IDO2: variants seen among roughly 807,000 people sequenced by gnomAD.
IDO2 encodes the protein indoleamine 2,3-dioxygenase-like 1 protein.
IDO2 carries 46 observed loss-of-function variants against 45.1 expected under a neutral mutation model. The ratio of observed to expected loss-of-function variants is 1.02; its 90% CI spans 0.80 to 1.30. IDO2 has a LOEUF of 1.30. IDO2 is among the 50% of genes most tolerant of loss of function. The pLI, the probability that IDO2 is intolerant of heterozygous loss-of-function variation, is 0.00. For synonymous variants in IDO2, 218 were observed against 184.9 expected, an observed-to-expected ratio of 1.18 and a Z score of -1.45; for missense variants, 544 against 491.8, an observed-to-expected ratio of 1.11 and a Z score of -1.00.
chr8:39,972,609 C>CAAAAAA (rs35394460), intron 3 of IDO2, among the ~76,000 whole-genome samples: 4 of 34,550 alleles, frequency 1.2e-4, no homozygotes, highest in Non-Finnish European at 1.9e-4. Context: ...GACTCCATCT[C>CAAAAAA]AAAAAAAAAA....
At chr8:39,938,546 T>C (rs1417648401) in intron 1 of IDO2, among the ~76,000 whole-genome samples, 1 of 148,082 alleles carries the variant, frequency 6.8e-6, no homozygotes, top group South Asian at 2.1e-4. Flanking sequence ...ACTTTTTATA[T>C]ATAACACCAA....
chr8:39,980,457 C>G (rs780295235), intron 4 of IDO2, among the ~76,000 whole-genome samples: 1 of 150,340 alleles, frequency 6.7e-6, no homozygotes, highest in African/African-American at 2.5e-5. Context: ...TCATCCAAAT[C>G]TCTTCTGAAT....
chr8:39,960,974 G>A (rs1050648880), intron 2 of IDO2, among the ~76,000 whole-genome samples: 1 of 152,014 alleles, frequency 6.6e-6, no homozygotes, highest in Non-Finnish European at 1.5e-5. Flanking sequence ...TAGTAGAGAC[G>A]GGGTTTCACC....
At chr8:39,995,233 C>CTTCTTCTTCTTCTT (rs1491361753) in intron 8 of IDO2, 1 of 54,920 alleles carries the variant, frequency 1.8e-5, no homozygotes, top group African/African-American at 5.6e-5. Context: ...TTCTCCTTCT[C>CTTCTTCTTCTTCTT]CTTCTCCTTC....
Position 40,007,108 on chromosome 8 carries a change from A to G in IDO2, c.719+1730A>G, listed in dbSNP as rs139139071. ...TTAATTTTTAAACAGTGAAAAATGA[A>G]AGGTGGAGGCAATGGCTGGATGAGG... On this transcript the variant is annotated intron_variant, in intron 9 of 10. Coordinates refer to ENST00000502986, the Ensembl canonical transcript of IDO2. Among the ~76,000 whole-genome samples the G allele has an allele frequency of 6.1e-4, 93 of 151,884 alleles. 1 individual carries two copies. Among genetic ancestry groups the G allele is most frequent in the Middle Eastern group, 3.4e-3 (1 of 292 alleles).
intron 1 of IDO2, among the ~76,000 whole-genome samples, chr8:39,947,192 A>T (rs1807747693): frequency 6.6e-6 from 1 of 151,622 alleles, no homozygotes; most frequent in South Asian, 2.1e-4. Flanking sequence ...AAAAAAAAAA[A>T]AAAGAAGTAG....
chr8:39,975,102 GAA>G (rs1808238823), intron 3 of IDO2, among the ~76,000 whole-genome samples: 1 of 150,776 alleles, frequency 6.6e-6, no homozygotes, highest in African/African-American at 2.4e-5. Flanking sequence ...GGGAAACAGA[GAA>G]AGACTCCGTC....
chr8:39,961,980 C>T (rs1334929508), intron 2 of IDO2, among the ~76,000 whole-genome samples: 1 of 152,180 alleles, frequency 6.6e-6, no homozygotes, highest in African/African-American at 2.4e-5. Flanking sequence ...CTGCTTTAAG[C>T]TTGCTTACCA....
chr8:39,975,550 C>A (rs1365047159), intron 3 of IDO2, among the ~76,000 whole-genome samples: 1 of 152,082 alleles, frequency 6.6e-6, no homozygotes, highest in Non-Finnish European at 1.5e-5. Context: ...CATTAATAGT[C>A]AAGAAAATGA....
chr8:39,954,183 T>C (rs1364993141), intron 2 of IDO2, among the ~76,000 whole-genome samples: 1 of 152,198 alleles, frequency 6.6e-6, no homozygotes, highest in African/African-American at 2.4e-5. Flanking sequence ...TCCTAGACAT[T>C]ATATTCTAGT....
intron 8 of IDO2, among the ~76,000 whole-genome samples, chr8:39,992,205 G>A (rs1585414257): frequency 6.6e-6 from 1 of 152,328 alleles, no homozygotes; most frequent in East Asian, 1.9e-4. Flanking sequence ...TGTAGTATAG[G>A]GGATAGCACA....
At chr8:39,960,731 C>A (rs879656856) in intron 2 of IDO2, among the ~76,000 whole-genome samples, 29 of 152,180 alleles carry the variant, frequency 1.9e-4, no homozygotes, top group African/African-American at 4.1e-4. Context: ...ATGCGGTTGA[C>A]CTTCTGATGA....
At position 39,979,119 on chromosome 8, in the gene IDO2, C is replaced by T; in HGVS notation, c.248C>T (p.Ala83Val). 2.5e-6 allele frequency: 4 copies of T among 1,602,192 alleles called. No individual in the cohort carries two copies. In the South Asian group the frequency reaches 3.4e-5, roughly 14 times the overall value. ...AAGGGTCACCGGGAGCAGCGCCTGG[C>T]CCACCTGGTCCTGAGCTTCCTCACC... Residue 83 changes from alanine (A) to valine (V), a missense_variant, in exon 4 of 11, where the codon GCC becomes GTC. Transcript: ENST00000502986.
intron 8 of IDO2, among the ~76,000 whole-genome samples, chr8:39,999,151 T>C (rs554208938): frequency 6.6e-6 from 1 of 152,260 alleles, no homozygotes; most frequent in African/African-American, 2.4e-5. Flanking sequence ...CTGGTTTCCA[T>C]GGTTGCTATT....
At chr8:39,991,386 T>G (rs1808493833) in intron 8 of IDO2, among the ~76,000 whole-genome samples, 1 of 152,158 alleles carries the variant, frequency 6.6e-6, no homozygotes, top group South Asian at 2.1e-4. Context: ...TCACTTAGGA[T>G]AGCAAGGCTA....
At chr8:40,000,201 C>G (rs910446435) in intron 8 of IDO2, among the ~76,000 whole-genome samples, 4 of 152,148 alleles carry the variant, frequency 2.6e-5, no homozygotes. Flanking sequence ...ATCATGAGGT[C>G]AAGAGATTGA....
intron 2 of IDO2, among the ~76,000 whole-genome samples, chr8:39,957,944 C>T (rs1807927665): frequency 6.6e-6 from 1 of 152,072 alleles, no homozygotes; most frequent in Admixed American, 6.5e-5. Flanking sequence ...CTAGCTCTGT[C>T]ACCCAGGCTG....
chr8:39,970,639 G>A (rs769527683), intron 3 of IDO2, among the ~76,000 whole-genome samples: 9 of 151,708 alleles, frequency 5.9e-5, no homozygotes, highest in Non-Finnish European at 1.0e-4. Flanking sequence ...TGATCCACCC[G>A]CCTTGGCCTC....
chr8:39,989,771 G>C, exon 8 of IDO2: 1 of 1,604,952 alleles, frequency 6.2e-7, no homozygotes, highest in Non-Finnish European at 8.5e-7. Context: ...AGGAGGCCCT[G>C]CTCCAAGCCC....
Sources: gnomAD v4.1 joint callset for allele counts (sites outside exome capture counted in the v4.1 genomes callset) on GRCh38, gnomAD v4.1.1 for gene constraint, MANE v1.5 for transcripts, NCBI Gene and HGNC (gene_info 2026-07-23, HGNC 2026-07-21) for gene names.